PCDH9: variants seen among roughly 807,000 people sequenced by gnomAD.
PCDH9 encodes protocadherin 9, also known as protocadherin-9.
In PCDH9, 24 loss-of-function variants were observed where a neutral mutation model predicts 70.6. The observed-to-expected ratio is 0.34, with a 90% CI of 0.25 to 0.48. PCDH9 has a LOEUF of 0.48. Among genes scored for constraint, PCDH9 ranks in the 20% least tolerant of loss-of-function variants. The pLI, the probability that PCDH9 is intolerant of heterozygous loss-of-function variation, is 0.99. For synonymous variants in PCDH9, 562 were observed against 558.5 expected, an observed-to-expected ratio of 1.01 and a Z score of -0.09; for missense variants, 1,281 against 1,503.6, an observed-to-expected ratio of 0.85 and a Z score of 2.45.
At chr13:67,022,090 T>G (rs1176715675) in intron 2 of PCDH9, among the ~76,000 whole-genome samples, 11 of 139,738 alleles carry the variant, frequency 7.9e-5, no homozygotes, top group Admixed American at 2.2e-4. Flanking sequence ...AGTCAAAGGG[T>G]GGACAAGGTG....
chr13:67,091,759 A>G (rs2086223183), intron 2 of PCDH9, among the ~76,000 whole-genome samples: 1 of 152,220 alleles, frequency 6.6e-6, no homozygotes. Flanking sequence ...TCCAGTCATG[A>G]GAGTAATTTA....
At chr13:66,527,055 G>C (rs1960247188) in intron 4 of PCDH9, among the ~76,000 whole-genome samples, 1 of 152,156 alleles carries the variant, frequency 6.6e-6, no homozygotes, top group South Asian at 2.1e-4. Flanking sequence ...GGCCTGCTTT[G>C]TGTTGAGATG....
intron 2 of PCDH9, among the ~76,000 whole-genome samples, chr13:67,132,104 T>A (rs1453146734): frequency 6.6e-6 from 1 of 152,166 alleles, no homozygotes; most frequent in Non-Finnish European, 1.5e-5. Context: ...ATCTAGCAAG[T>A]TGACTTTGAT....
chr13:66,368,116 C>T (rs1956583259), intron 4 of PCDH9, among the ~76,000 whole-genome samples: 1 of 151,642 alleles, frequency 6.6e-6, no homozygotes, highest in Non-Finnish European at 1.5e-5. Flanking sequence ...CAATAAAATT[C>T]AGTTTAAAAA....
intron 3 of PCDH9, among the ~76,000 whole-genome samples, chr13:66,782,041 G>A (rs2080007322): frequency 1.3e-5 from 2 of 151,998 alleles, no homozygotes; most frequent in Admixed American, 6.6e-5. Flanking sequence ...AAACTTCTTG[G>A]ATTCAGAATT....
At chr13:66,931,221 A>T (rs1029542310) in intron 2 of PCDH9, among the ~76,000 whole-genome samples, 1 of 152,166 alleles carries the variant, frequency 6.6e-6, no homozygotes, top group Non-Finnish European at 1.5e-5. Context: ...TATGAGTTCA[A>T]TTCCATTTAT....
chr13:66,520,059 G>A (rs1474327077), intron 4 of PCDH9, among the ~76,000 whole-genome samples: 10 of 152,134 alleles, frequency 6.6e-5, no homozygotes, highest in South Asian at 4.1e-4. Flanking sequence ...CTGACTGCGA[G>A]CAATGATGAG....
intron 2 of PCDH9, among the ~76,000 whole-genome samples, chr13:67,171,036 T>C (rs1047970898): frequency 6.6e-6 from 1 of 152,156 alleles, no homozygotes. Context: ...AAGGGTGATG[T>C]CATAAAGTTT....
At chr13:66,517,476 C>T (rs912763131) in intron 4 of PCDH9, among the ~76,000 whole-genome samples, 5 of 152,016 alleles carry the variant, frequency 3.3e-5, no homozygotes, top group African/African-American at 1.2e-4. Flanking sequence ...CATTCTTAGA[C>T]ATTTCTGTAA....
intron 4 of PCDH9, among the ~76,000 whole-genome samples, chr13:66,426,744 T>G (rs1471664124): frequency 6.6e-6 from 1 of 151,622 alleles, no homozygotes; most frequent in Non-Finnish European, 1.5e-5. Context: ...GTTTACCACA[T>G]TTAAAGGAAA....
At chr13:66,991,328 C>T (rs1020259244) in intron 2 of PCDH9, among the ~76,000 whole-genome samples, 3 of 151,442 alleles carry the variant, frequency 2.0e-5, no homozygotes, top group African/African-American at 2.4e-5. Flanking sequence ...GGCTAGTGGA[C>T]GTTATAAAGT....
intron 3 of PCDH9, among the ~76,000 whole-genome samples, chr13:66,770,411 G>C (rs1478517609): frequency 1.3e-5 from 2 of 152,118 alleles, no homozygotes; most frequent in Admixed American, 1.3e-4. Context: ...GTAGGTTTTA[G>C]TAGTATGCCC....
At position 66,719,873 on chromosome 13, in the gene PCDH9, A is replaced by G. The variant is rs553794401; in HGVS notation, c.3139-88462T>C. ...CCATAGTGAAGTTGTTCAGTCAGGA[A>G]TATGATTCACAACAAATAGGAGGAA... On this transcript the variant is annotated intron_variant, in intron 3 of 4. Transcript: ENST00000377865. Among the ~76,000 whole-genome samples the G allele has an allele frequency of 5.9e-5, 9 of 152,352 alleles. No individual in the cohort carries two copies. In the South Asian group the frequency reaches 1.7e-3, roughly 28 times the overall value.
chr13:67,004,310 C>T (rs969821293), intron 2 of PCDH9, among the ~76,000 whole-genome samples: 1 of 150,660 alleles, frequency 6.6e-6, no homozygotes, highest in Non-Finnish European at 1.5e-5. Context: ...TTGGCTCGCA[C>T]CTGTAATCCC....
At chr13:66,761,466 G>C (rs970809949) in intron 3 of PCDH9, among the ~76,000 whole-genome samples, 1 of 152,026 alleles carries the variant, frequency 6.6e-6, no homozygotes, top group African/African-American at 2.4e-5. Flanking sequence ...GCCCACTCTT[G>C]AATGCCAATC....
At chr13:66,730,720 C>A (rs1004178485) in intron 3 of PCDH9, among the ~76,000 whole-genome samples, 2 of 150,460 alleles carry the variant, frequency 1.3e-5, no homozygotes, top group African/African-American at 4.9e-5. Context: ...GCTTTGTCAC[C>A]CAGGCTGAAG....
intron 3 of PCDH9, among the ~76,000 whole-genome samples, chr13:66,711,340 T>C (rs1198301053): frequency 6.6e-6 from 1 of 151,488 alleles, no homozygotes. Flanking sequence ...CAAGTTTGTG[T>C]ACTAACTTCT....
At position 67,228,140 on chromosome 13, in the gene PCDH9, C is replaced by G. The variant is rs1451757420; in HGVS notation, c.301G>C (p.Ala101Pro). The G allele has an allele frequency of 6.2e-7, 1 of 1,613,954 alleles. No homozygotes were observed. The highest frequency in any genetic ancestry group is 2.2e-5 in the East Asian group (1 of 44,882). Reference protein sequence around the residue: ...RIDREKLCAGASYAEENECFF... With the variant: ...RIDREKLCAGPSYAEENECFF... ...CACTCATTCTCCTCAGCATATGAGG[C>G]GCCAGCACAGAGTTTTTCTCTGTCT... Residue 101 changes from alanine to proline, a missense_variant, in exon 2 of 5, where the codon GCC becomes CCC. Coordinates refer to ENST00000377865, the MANE Select transcript of PCDH9 (RefSeq NM_203487.3).
rs1354862135 is a variant in PCDH9, at chr13:66,467,201, G to T, written c.3341-162173C>A. Reference sequence around the variant, plus strand: ...AGGTAATAGATGTTTAGATGTTTTAGATGTTCGCATATATTTTAATATGTA... The same window carrying T: ...AGGTAATAGATGTTTAGATGTTTTATATGTTCGCATATATTTTAATATGTA... On this transcript the variant is annotated intron_variant, in intron 4 of 4. Coordinates refer to ENST00000377865, the MANE Select transcript of PCDH9 (RefSeq NM_203487.3). 2.6e-5 allele frequency among the ~76,000 whole-genome samples: 4 copies of T among 152,038 alleles called. No homozygotes were observed. In the South Asian group the frequency reaches 6.2e-4, roughly 24 times the overall value.
Sources: allele counts gnomAD v4.1 joint callset (sites outside exome capture counted in the v4.1 genomes callset), GRCh38; gene constraint gnomAD v4.1.1; transcripts MANE v1.5; gene names NCBI Gene and HGNC (gene_info 2026-07-23, HGNC 2026-07-21).